Variants in ASTN1 observed in about 807,000 individuals in gnomAD.
ASTN1 encodes astrotactin 1.
In ASTN1, 41 loss-of-function variants were observed where a neutral mutation model predicts 140.7. That is an observed-to-expected ratio of 0.29 (90% confidence interval 0.23 to 0.38). The LOEUF (loss-of-function observed/expected upper bound fraction) is 0.38. Among genes scored for constraint, ASTN1 ranks in the 10% least tolerant of loss-of-function variants. The pLI is 1.00. For synonymous variants in ASTN1, 640 were observed against 652.2 expected (o/e 0.98, Z 0.29); for missense variants, 1,479 against 1,678.8 (o/e 0.88, Z 2.08).
intron 1 of ASTN1, among the ~76,000 whole-genome samples, chr1:177,126,058 T>G (rs2102191288): frequency 6.6e-6 from 1 of 152,358 alleles, no homozygotes; most frequent in African/African-American, 2.4e-5. Flanking sequence ...GTTTAATCTG[T>G]CCTTACATTA....
At chr1:177,083,036 T>C (rs976048750) in intron 1 of ASTN1, among the ~76,000 whole-genome samples, 4 of 152,218 alleles carry the variant, frequency 2.6e-5, no homozygotes, top group Non-Finnish European at 5.9e-5. Context: ...TTATTTTTTG[T>C]ATACTGTCAG....
intron 2 of ASTN1, among the ~76,000 whole-genome samples, chr1:177,034,244 A>AACACACACACAC (rs5778922): frequency 7.0e-6 from 1 of 143,304 alleles, no homozygotes; most frequent in Non-Finnish European, 1.5e-5. Flanking sequence ...TGAGCAAAGG[A>AACACACACACAC]ACACACACAC....
intron 1 of ASTN1, among the ~76,000 whole-genome samples, chr1:177,121,375 A>G (rs1681376460): frequency 6.6e-6 from 1 of 152,124 alleles, no homozygotes; most frequent in African/African-American, 2.4e-5. Flanking sequence ...GTAAGGCAGG[A>G]AAAGGGCATT....
At chr1:176,954,077 C>G (rs1344017484) in intron 11 of ASTN1, among the ~76,000 whole-genome samples, 1 of 152,216 alleles carries the variant, frequency 6.6e-6, no homozygotes, top group Non-Finnish European at 1.5e-5. Flanking sequence ...TCCTGCCAGC[C>G]AAGCCTGCTC....
intron 2 of ASTN1, among the ~76,000 whole-genome samples, chr1:177,036,332 C>A (rs1218547189): frequency 6.6e-6 from 1 of 151,856 alleles, no homozygotes; most frequent in African/African-American, 2.4e-5. Flanking sequence ...CAGGTGTGAG[C>A]CACCGTGCCC....
rs1274518772 is a variant in ASTN1, at chr1:177,084,533, C to T, written c.284-23268G>A. Among the ~76,000 whole-genome samples, 5 of 152,182 alleles carry T rather than the reference C, an allele frequency of 3.3e-5. No homozygotes were observed. The East Asian group carries it at 7.7e-4, about 23-fold the overall frequency. On this transcript the variant is annotated intron_variant, in intron 1 of 22. Coordinates refer to ENST00000361833, the MANE Select transcript of ASTN1 (RefSeq NM_004319.3). ...ACTCTGTTAACTTCCTTGTTTTTGA[C>T]TTCAAGATTTTTTCATTTCTTCACT...
At chr1:176,949,822 G>T (rs1031951912) in intron 11 of ASTN1, among the ~76,000 whole-genome samples, 2 of 152,288 alleles carry the variant, frequency 1.3e-5, no homozygotes, top group African/African-American at 4.8e-5. Flanking sequence ...AGCAGTGTTG[G>T]GGGGAATGGA....
chr1:177,016,388 T>C (rs1391198454), intron 7 of ASTN1, among the ~76,000 whole-genome samples: 2 of 151,968 alleles, frequency 1.3e-5, no homozygotes, highest in Non-Finnish European at 2.9e-5. Context: ...TTCTGGCTTC[T>C]ACATGGGCTG....
intron 21 of ASTN1, among the ~76,000 whole-genome samples, chr1:176,869,772 G>T (rs1458814332): frequency 6.6e-6 from 1 of 152,170 alleles, no homozygotes; most frequent in African/African-American, 2.4e-5. Flanking sequence ...GAATACCAGG[G>T]TTCCTGCCAA....
chr1:176,984,535 A>G (rs745654981), intron 8 of ASTN1, among the ~76,000 whole-genome samples: 11 of 152,290 alleles, frequency 7.2e-5, no homozygotes, highest in Middle Eastern at 3.4e-3. Context: ...AGGAGATTAT[A>G]AAATCAAAGG....
At chr1:177,073,663 C>T (rs867519858) in intron 1 of ASTN1, among the ~76,000 whole-genome samples, 1 of 149,932 alleles carries the variant, frequency 6.7e-6, no homozygotes, top group Non-Finnish European at 1.5e-5. Flanking sequence ...TGTGCATGTT[C>T]GCTGGGTTCA....
At chr1:176,925,569 A>G (rs1670921358) in intron 16 of ASTN1, among the ~76,000 whole-genome samples, 1 of 152,166 alleles carries the variant, frequency 6.6e-6, no homozygotes, top group Admixed American at 6.5e-5. Flanking sequence ...TGGCCAAAAT[A>G]AATCCCACAA....
At chr1:176,869,169 C>CAT (rs1428625576) in intron 21 of ASTN1, 142 bp from the exon 22 acceptor site, 1 of 477,658 alleles carries the variant, frequency 2.1e-6, no homozygotes, top group East Asian at 3.8e-5. Context: ...ATATAATATG[C>CAT]ATATATATCA....
At chr1:176,920,579 C>T (rs1343934654) in intron 16 of ASTN1, among the ~76,000 whole-genome samples, 1 of 152,160 alleles carries the variant, frequency 6.6e-6, no homozygotes, top group African/African-American at 2.4e-5. Flanking sequence ...CCAAATCTTG[C>T]CCCGGAAAAA....
chr1:176,862,398 G>A lies in ASTN1; in HGVS notation c.*1886C>T, dbSNP rs535928018. The A allele has an allele frequency of 7.1e-6, 7 of 985,468 alleles. No individual in the cohort carries two copies. In the South Asian group the frequency reaches 1.9e-4, roughly 26 times the overall value. 61.0% of individuals were successfully genotyped at this position (985,468 alleles called of 1,614,324 possible). The stretch of plus-strand genomic sequence containing the variant: ...TGCAGTGGAACTAGGGGTCCCAAGG[G>A]TGCTCTAGCTCCAAAGGCTAAGGGC... On this transcript the variant is annotated 3_prime_UTR_variant, in exon 23 of 23. Coordinates refer to ENST00000361833, the MANE Select transcript of ASTN1 (RefSeq NM_004319.3).
chr1:177,162,076 A>G (rs1323426773), intron 1 of ASTN1, among the ~76,000 whole-genome samples: 3 of 152,198 alleles, frequency 2.0e-5, no homozygotes, highest in Non-Finnish European at 4.4e-5. Flanking sequence ...GATTAAGTAA[A>G]CAAGGTTCCA....
intron 17 of ASTN1, among the ~76,000 whole-genome samples, chr1:176,891,206 T>C (rs1028618383): frequency 6.6e-6 from 1 of 152,308 alleles, no homozygotes; most frequent in South Asian, 2.1e-4. Flanking sequence ...CAGCATTGCA[T>C]AGGGAATCCA....
At chr1:176,965,035 T>G (rs1672815615) in intron 9 of ASTN1, 128 bp downstream of exon 9, 1 of 830,852 alleles carries the variant, frequency 1.2e-6, no homozygotes, top group Non-Finnish European at 2.0e-6. Flanking sequence ...ACACTTTTGT[T>G]AGCAGGTGGT....
chr1:176,876,707 C>G (rs1668581263), intron 20 of ASTN1, 70 bp from the exon 21 acceptor site: 1 of 1,476,710 alleles, frequency 6.8e-7, no homozygotes, highest in Non-Finnish European at 9.3e-7. Context: ...GTGGCCCTAG[C>G]TCATGGCCCA....
Sources: gnomAD v4.1 joint callset for allele counts (sites outside exome capture counted in the v4.1 genomes callset) on GRCh38, gnomAD v4.1.1 for gene constraint, MANE v1.5 for transcripts, NCBI Gene and HGNC (gene_info 2026-07-23, HGNC 2026-07-21) for gene names.